The following NKAIN3 variants were observed in gnomAD, a reference collection of about 807,000 sequenced individuals.
NKAIN3 encodes the protein sodium/potassium-transporting ATPase subunit beta-1-interacting protein 3.
A neutral mutation model predicts 30.2 loss-of-function variants in NKAIN3; 25 were observed. That is an observed-to-expected ratio of 0.83 (90% CI 0.60 to 1.16). The LOEUF (loss-of-function observed/expected upper bound fraction) is 1.16. Ranked by LOEUF, NKAIN3 falls within the 50% of genes most tolerant of loss-of-function variation. NKAIN3 has a pLI of 0.00. For missense variants in NKAIN3, 225 were observed against 254.1 expected, an observed-to-expected ratio of 0.89 and a Z score of 0.78; for synonymous variants, 91 against 89.6, an observed-to-expected ratio of 1.02 and a Z score of -0.09.
chr8:62,317,872 C>T (rs375985723), intron 1 of NKAIN3, among the ~76,000 whole-genome samples: 152 of 152,174 alleles, frequency 1.0e-3, no homozygotes, highest in Admixed American at 2.0e-3. Context: ...TTGGGCAGTA[C>T]GGCCATTTTC....
At chr8:62,991,731 T>C (rs1824324105) in intron 5 of NKAIN3, among the ~76,000 whole-genome samples, 2 of 152,226 alleles carry the variant, frequency 1.3e-5, no homozygotes, top group Admixed American at 1.3e-4. Context: ...CTAATGGTGC[T>C]TGATTCTGTC....
At chr8:62,351,122 T>C (rs981331037) in intron 1 of NKAIN3, among the ~76,000 whole-genome samples, 5 of 149,008 alleles carry the variant, frequency 3.4e-5, no homozygotes, top group African/African-American at 1.2e-4. Context: ...TATTAACATA[T>C]ATACTATAAA....
chr8:62,825,779 T>C (rs536439906), intron 4 of NKAIN3, among the ~76,000 whole-genome samples: 1 of 152,118 alleles, frequency 6.6e-6, no homozygotes, highest in African/African-American at 2.4e-5. Flanking sequence ...TATTATAAAG[T>C]ATGGGGTGAC....
At chr8:62,882,191 A>G (rs1821003330) in intron 4 of NKAIN3, among the ~76,000 whole-genome samples, 2 of 152,186 alleles carry the variant, frequency 1.3e-5, no homozygotes, top group African/African-American at 4.8e-5. Context: ...TTTTCCCAGA[A>G]TGTGACTTAT....
At chr8:62,423,601 T>C (rs1348180486) in intron 1 of NKAIN3, among the ~76,000 whole-genome samples, 2 of 151,868 alleles carry the variant, frequency 1.3e-5, no homozygotes, top group Non-Finnish European at 2.9e-5. Context: ...TATAGAGCTA[T>C]TTTTGGCTTC....
chr8:62,551,463 A>G (rs1343259867), intron 1 of NKAIN3, among the ~76,000 whole-genome samples: 1 of 152,226 alleles, frequency 6.6e-6, no homozygotes, highest in Admixed American at 6.5e-5. Flanking sequence ...TGCCTTAGTA[A>G]TTATTTTAAT....
intron 1 of NKAIN3, among the ~76,000 whole-genome samples, chr8:62,496,681 A>G (rs1807249518): frequency 6.6e-6 from 1 of 152,110 alleles, no homozygotes; most frequent in African/African-American, 2.4e-5. Flanking sequence ...GTAGATTTCA[A>G]TGGTGTCAGG....
intron 1 of NKAIN3, among the ~76,000 whole-genome samples, chr8:62,426,281 T>C (rs1331828290): frequency 6.6e-6 from 1 of 151,966 alleles, no homozygotes; most frequent in Non-Finnish European, 1.5e-5. Flanking sequence ...TGACAATGGG[T>C]ATTTTAAAGA....
At chr8:62,461,790 C>T (rs955447162) in intron 1 of NKAIN3, among the ~76,000 whole-genome samples, 9 of 151,988 alleles carry the variant, frequency 5.9e-5, no homozygotes, top group Non-Finnish European at 7.4e-5. Flanking sequence ...TAAAAAAGTA[C>T]GAAGAAAACT....
intron 1 of NKAIN3, chr8:62,344,806 T>C (rs758860515): frequency 4.7e-6 from 2 of 428,440 alleles, no homozygotes; most frequent in Non-Finnish European, 9.3e-6. Flanking sequence ...TGTAGTTCCA[T>C]ATGAATTTTA....
chr8:62,325,996 G>A (rs1391468994), intron 1 of NKAIN3, among the ~76,000 whole-genome samples: 1 of 151,648 alleles, frequency 6.6e-6, no homozygotes, highest in Non-Finnish European at 1.5e-5. Context: ...CTGTGAAATA[G>A]CTTTTTAGTT....
At chr8:62,535,205 G>A (rs958554646) in intron 1 of NKAIN3, among the ~76,000 whole-genome samples, 3 of 152,084 alleles carry the variant, frequency 2.0e-5, no homozygotes, top group Admixed American at 6.5e-5. Context: ...CACAGTCCAC[G>A]TGCTGTTTCA....
In NKAIN3 at chr8:62,980,272, C is replaced by T. The variant is rs1824045244; in HGVS notation, c.*14865C>T. 1 of 152,170 alleles carries T rather than the reference C, an allele frequency of 6.6e-6. No homozygotes were observed. Among genetic ancestry groups the T allele is most frequent in the African/African-American group, 2.4e-5 (1 of 41,430 alleles). 9.4% of individuals were successfully genotyped at this position (152,170 alleles called of 1,614,324 possible). A position where few individuals can be genotyped will look rare whatever the true frequency, so the allele number is the denominator to read the frequency against. On this transcript the variant is annotated 3_prime_UTR_variant, in exon 7 of 7. Coordinates refer to ENST00000623646, the MANE Select transcript of NKAIN3 (RefSeq NM_001304533.3). The stretch of plus-strand genomic sequence containing the variant: ...CAGTGCTAAAGTCACTTTTTAACTG[C>T]CTCACATACTATCATTTCTTTGACA...
intron 4 of NKAIN3, among the ~76,000 whole-genome samples, chr8:62,790,103 G>A (rs1355629196): frequency 1.3e-5 from 2 of 152,110 alleles, no homozygotes; most frequent in East Asian, 3.9e-4. Context: ...GCAGCAAAAA[G>A]CTTATCCACC....
chr8:62,328,678 A>G (rs1457242128), intron 1 of NKAIN3, among the ~76,000 whole-genome samples: 1 of 152,110 alleles, frequency 6.6e-6, no homozygotes, highest in African/African-American at 2.4e-5. Flanking sequence ...AAGATATTTT[A>G]CCTCTCTACA....
At chr8:62,718,801 A>G (rs923629897) in intron 3 of NKAIN3, among the ~76,000 whole-genome samples, 1 of 151,490 alleles carries the variant, frequency 6.6e-6, no homozygotes, top group African/African-American at 2.4e-5. Context: ...TAATTCTTTT[A>G]TAGTTTACAT....
chr8:62,723,112 G>A (rs1815143141), intron 3 of NKAIN3, among the ~76,000 whole-genome samples: 1 of 151,926 alleles, frequency 6.6e-6, no homozygotes, highest in African/African-American at 2.4e-5. Flanking sequence ...CGCATCCATA[G>A]GTCAAAAAAT....
intron 1 of NKAIN3, among the ~76,000 whole-genome samples, chr8:62,552,969 T>C (rs1470277640): frequency 2.0e-5 from 3 of 152,142 alleles, no homozygotes; most frequent in African/African-American, 7.2e-5. Flanking sequence ...GAAAAACAGA[T>C]GGTGGTAGTT....
intron 3 of NKAIN3, among the ~76,000 whole-genome samples, chr8:62,651,079 CTT>C (rs751286121): frequency 1.1e-4 from 16 of 150,978 alleles, no homozygotes; most frequent in Non-Finnish European, 2.4e-4. Flanking sequence ...TAAACCTTCA[CTT>C]GAGTATAATT....
Sources: gnomAD v4.1 joint callset for allele counts (sites outside exome capture counted in the v4.1 genomes callset) on GRCh38, gnomAD v4.1.1 for gene constraint, MANE v1.5 for transcripts, NCBI Gene and HGNC (gene_info 2026-07-23, HGNC 2026-07-21) for gene names.